Variants in CNTN6 observed in about 807,000 individuals in gnomAD.
CNTN6 encodes the protein contactin 6, also known as contactin-6.
CNTN6 carries 137 observed loss-of-function variants against 122.8 expected under a neutral mutation model. That is an observed-to-expected ratio of 1.12 (90% CI 0.97 to 1.29). The LOEUF (loss-of-function observed/expected upper bound fraction) is 1.29, where lower values mean the gene tolerates loss of function less well. CNTN6 is among the 50% of genes most tolerant of loss of function. The pLI, the probability that CNTN6 is intolerant of heterozygous loss-of-function variation, is 0.00. For missense variants in CNTN6, 1,634 were observed against 1,223.4 expected, an observed-to-expected ratio of 1.34 and a Z score of -5.01; for synonymous variants, 570 against 426.0, an observed-to-expected ratio of 1.34 and a Z score of -4.16.
intron 7 of CNTN6, among the ~76,000 whole-genome samples, chr3:1,301,483 T>C (rs1456258137): frequency 1.3e-5 from 2 of 152,174 alleles, no homozygotes; most frequent in African/African-American, 4.8e-5. Context: ...GTTGGTTAAG[T>C]TTATGCAGGA....
intron 17 of CNTN6, among the ~76,000 whole-genome samples, chr3:1,381,132 A>C (rs912635389): frequency 1.3e-5 from 2 of 152,010 alleles, no homozygotes; most frequent in Non-Finnish European, 2.9e-5. Context: ...CAAAAACAAA[A>C]CTCCCCTATT....
chr3:1,245,780 T>C (rs915399438), intron 4 of CNTN6, among the ~76,000 whole-genome samples: 1 of 151,958 alleles, frequency 6.6e-6, no homozygotes, highest in Non-Finnish European at 1.5e-5. Flanking sequence ...AATAAAGAGT[T>C]TTGATGGAAA....
chr3:1,369,867 A>G (rs544728273), intron 12 of CNTN6, among the ~76,000 whole-genome samples: 128 of 151,622 alleles, frequency 8.4e-4, no homozygotes, highest in African/African-American at 3.0e-3. Flanking sequence ...TTAAGGTTCA[A>G]TCACACTTTA....
At chr3:1,314,510 G>A (rs1699826777) in intron 7 of CNTN6, among the ~76,000 whole-genome samples, 1 of 152,082 alleles carries the variant, frequency 6.6e-6, no homozygotes, top group South Asian at 2.1e-4. Flanking sequence ...TTCTCAAATA[G>A]CACTAGTAAT....
rs10594022 is a variant in CNTN6, at chr3:1,116,698, C to CT, written c.-83+23602dup. On this transcript the variant is annotated intron_variant, in intron 1 of 22. Transcript: ENST00000446702. ...AATGGAGAATGCCAAGTCATCAAATCTTTTTTTTTTTTTTTTTTTTTTTTG... is the reference window on the plus strand; with the variant it reads ...AATGGAGAATGCCAAGTCATCAAATCTTTTTTTTTTTTTTTTTTTTTTTTTG... Among the ~76,000 whole-genome samples the CT allele has an allele frequency of 1.2e-3, 89 of 71,732 alleles. 2 individuals carry two copies. The highest frequency in any genetic ancestry group is 1.8e-3 in the Non-Finnish European group (67 of 37,302). The allele number at this position is 71,732 out of a possible 152,430, so 47.1% of individuals were successfully genotyped here. A position where few individuals can be genotyped will look rare whatever the true frequency, so the allele number is the denominator to read the frequency against.
intron 5 of CNTN6, among the ~76,000 whole-genome samples, chr3:1,289,921 G>GCCTC (rs1695025623): frequency 6.6e-6 from 1 of 152,112 alleles, no homozygotes; most frequent in Non-Finnish European, 1.5e-5. Context: ...TGATCCGCCC[G>GCCTC]CCTCGGCCTC....
At chr3:1,387,867 G>A (rs1037744305) in intron 20 of CNTN6, among the ~76,000 whole-genome samples, 7 of 152,280 alleles carry the variant, frequency 4.6e-5, no homozygotes, top group South Asian at 4.1e-4. Flanking sequence ...CTTAAAAAAC[G>A]GCGCACCACG....
At chr3:1,189,223 A>G (rs1290846613) in intron 2 of CNTN6, among the ~76,000 whole-genome samples, 1 of 152,180 alleles carries the variant, frequency 6.6e-6, no homozygotes. Context: ...AAGAGACAAA[A>G]TAGCTGAGTA....
intron 4 of CNTN6, among the ~76,000 whole-genome samples, chr3:1,242,886 C>T (rs1243755519): frequency 1.3e-5 from 2 of 151,964 alleles, no homozygotes; most frequent in Non-Finnish European, 2.9e-5. Flanking sequence ...GAAGCCTGGC[C>T]GTCAATACCC....
chr3:1,251,791 A>G (rs2094674450), intron 4 of CNTN6, among the ~76,000 whole-genome samples: 1 of 152,164 alleles, frequency 6.6e-6, no homozygotes, highest in African/African-American at 2.4e-5. Context: ...ATAAAAGTCA[A>G]CTAAATCATC....
At chr3:1,193,642 A>G (rs1369165222) in intron 2 of CNTN6, among the ~76,000 whole-genome samples, 1 of 151,996 alleles carries the variant, frequency 6.6e-6, no homozygotes, top group African/African-American at 2.4e-5. Flanking sequence ...CCATTTTCTC[A>G]TGAACTCTAT....
In CNTN6 at chr3:1,376,989, T is replaced by C; in HGVS notation, c.2096-16T>C. 1 of 1,570,938 alleles carries C rather than the reference T, an allele frequency of 6.4e-7. No individual in the cohort carries two copies. Among genetic ancestry groups the C allele is most frequent in the Non-Finnish European group, 8.7e-7 (1 of 1,154,058 alleles). The stretch of plus-strand genomic sequence containing the variant: ...TTTAATAATTGCCATCCCACATTTC[T>C]CTTGGTTATTTTTAGTCCCTGTTGT... On this transcript the variant is annotated splice_polypyrimidine_tract_variant and intron_variant, in intron 16 of 22. Coordinates refer to ENST00000446702, the MANE Select transcript of CNTN6 (RefSeq NM_001289080.2).
At chr3:1,355,903 T>C (rs1313291657) in intron 12 of CNTN6, among the ~76,000 whole-genome samples, 1 of 151,842 alleles carries the variant, frequency 6.6e-6, no homozygotes, top group African/African-American at 2.4e-5. Context: ...ATTCTGAAGT[T>C]ATCTGCACTG....
Position 1,297,955 on chromosome 3 carries a change from A to C in CNTN6, c.725A>C (p.Asp242Ala), listed in dbSNP as rs754305900. 1 of 1,612,372 alleles carries C rather than the reference A, an allele frequency of 6.2e-7. No homozygotes were observed. Among genetic ancestry groups the C allele is most frequent in the South Asian group, 1.1e-5 (1 of 90,230 alleles). ...CCTGAAACTATACAAGCTGCAAAGGATTCATCTGTAAAACTGGAATGTTTT... is the reference window on the plus strand; with the variant it reads ...CCTGAAACTATACAAGCTGCAAAGGCTTCATCTGTAAAACTGGAATGTTTT... ...RFPETIQAAKDSSVKLECFAL... is the reference protein window; with the variant it reads ...RFPETIQAAKASSVKLECFAL... The change falls in exon 7 of 23, where the codon GAT becomes GCT. Residue 242 changes from aspartate to alanine, a missense_variant. Coordinates refer to ENST00000446702, the MANE Select transcript of CNTN6 (RefSeq NM_001289080.2).
chr3:1,239,498 G>C (rs569156410), intron 4 of CNTN6, among the ~76,000 whole-genome samples: 2 of 152,052 alleles, frequency 1.3e-5, no homozygotes, highest in Admixed American at 1.3e-4. Flanking sequence ...GGAAAACTAT[G>C]AAACACTGCT....
chr3:1,184,694 T>C (rs1055556205), intron 2 of CNTN6, among the ~76,000 whole-genome samples: 2 of 152,184 alleles, frequency 1.3e-5, no homozygotes, highest in African/African-American at 2.4e-5. Flanking sequence ...ACTCTCAATA[T>C]GGACATCTGA....
chr3:1,213,516 A>G (rs2094078382), intron 2 of CNTN6, among the ~76,000 whole-genome samples: 2 of 151,944 alleles, frequency 1.3e-5, no homozygotes, highest in African/African-American at 4.8e-5. Flanking sequence ...TATTTTAATC[A>G]TTCAAACTAT....
chr3:1,382,047 G>T (rs193109532), intron 17 of CNTN6, among the ~76,000 whole-genome samples: 143 of 151,888 alleles, frequency 9.4e-4, no homozygotes, highest in African/African-American at 3.3e-3. Context: ...GGACATGAGG[G>T]ACTAGAAGCA....
intron 20 of CNTN6, among the ~76,000 whole-genome samples, chr3:1,397,656 T>G (rs1695151895): frequency 6.6e-6 from 1 of 152,074 alleles, no homozygotes; most frequent in Non-Finnish European, 1.5e-5. Context: ...AAACACTACT[T>G]ATGTGGAAAG....
Sources: gnomAD v4.1 joint callset for allele counts (sites outside exome capture counted in the v4.1 genomes callset) on GRCh38, gnomAD v4.1.1 for gene constraint, MANE v1.5 for transcripts, NCBI Gene and HGNC (gene_info 2026-07-23, HGNC 2026-07-21) for gene names.